PRPF39: variants seen among roughly 807,000 people sequenced by gnomAD.
The protein encoded by PRPF39 is pre-mRNA processing factor 39, also known as pre-mRNA-processing factor 39.
In PRPF39, 27 loss-of-function variants were observed where a neutral mutation model predicts 82.1. The ratio of observed to expected loss-of-function variants is 0.33; its 90% CI spans 0.24 to 0.45. The LOEUF is 0.45. PRPF39 is among the 20% of genes least tolerant of loss of function. The pLI is 1.00. For synonymous variants in PRPF39, 261 were observed against 256.4 expected (o/e 1.02, Z -0.17); for missense variants, 581 against 796.9 (o/e 0.73, Z 3.26).
chr14:45,091,766 T>C (rs1884034936), intron 1 of PRPF39, among the ~76,000 whole-genome samples: 1 of 152,000 alleles, frequency 6.6e-6, no homozygotes, highest in South Asian at 2.1e-4. Flanking sequence ...TAAAAAAAAA[T>C]TAGATGAGCA....
rs570119681 is a variant in PRPF39, at chr14:45,091,357, G to T, written c.-19-3864G>T. On this transcript the variant is annotated intron_variant, in intron 1 of 13. Coordinates refer to ENST00000355765, the MANE Select transcript of PRPF39 (RefSeq NM_017922.4). ...GAATCTCACTTTGTTCCCCAGGCTG[G>T]TCTGGAACATCTGGCTTCAAGCGAT... Among the ~76,000 whole-genome samples, 4 of 152,224 alleles carry T rather than the reference G, an allele frequency of 2.6e-5. No homozygotes were observed. The East Asian group carries it at 5.8e-4, about 22-fold the overall frequency.
At chr14:45,109,439 T>C (rs1317261001) in intron 7 of PRPF39, among the ~76,000 whole-genome samples, 177 bp from the exon 8 acceptor site, 1 of 149,922 alleles carries the variant, frequency 6.7e-6, no homozygotes, top group Non-Finnish European at 1.5e-5. Context: ...TATTATTTCA[T>C]TTGTTTGTAA....
rs764416103 is a variant in PRPF39, at chr14:45,109,755, C to G, written c.1151C>G (p.Ala384Gly). The G allele has an allele frequency of 6.2e-7, 1 of 1,605,992 alleles. No homozygotes were observed. Among genetic ancestry groups the G allele is most frequent in the East Asian group, 2.2e-5 (1 of 44,752 alleles). The change falls in exon 8 of 14, where the codon GCC becomes GGC. Residue 384 changes from alanine (A) to glycine (G), a missense_variant. Ala to Gly is a moderately conservative substitution (Grantham distance 60, BLOSUM62 0). Transcript: ENST00000355765. ...VLFERCVISC[A>G]LYEEFWIKYA... ...TTTGAAAGATGTGTCATATCATGTG[C>G]CCTCTATGAGGAGTTTTGGATTAAG...
At chr14:45,103,003 AAGTTG>A (rs897009610) in intron 5 of PRPF39, among the ~76,000 whole-genome samples, 5 of 152,146 alleles carry the variant, frequency 3.3e-5, no homozygotes, top group South Asian at 2.1e-4. Context: ...AATAGTACCT[AAGTTG>A]AGTTATTTAT....
chr14:45,104,205 A>G (rs771570997), intron 5 of PRPF39, among the ~76,000 whole-genome samples: 23 of 152,084 alleles, frequency 1.5e-4, no homozygotes, highest in Non-Finnish European at 3.4e-4. Context: ...TTTTTCTTTA[A>G]GTTGTCAGTT....
intron 10 of PRPF39, among the ~76,000 whole-genome samples, chr14:45,111,583 C>A (rs1029022281): frequency 6.7e-6 from 1 of 148,638 alleles, no homozygotes; most frequent in Non-Finnish European, 1.5e-5. Flanking sequence ...TTGCCTGCCT[C>A]GGCCTCCCAA....
chr14:45,103,633 T>C (rs1789745333), intron 5 of PRPF39, among the ~76,000 whole-genome samples: 2 of 152,204 alleles, frequency 1.3e-5, no homozygotes, highest in South Asian at 2.1e-4. Flanking sequence ...AGGAAGCATA[T>C]AGATAGGAAT....
rs908447957 is a variant in PRPF39 at position 45,104,431 on chromosome 14, G to T, written c.737+1735G>T. On this transcript the variant is annotated intron_variant, in intron 5 of 13. Coordinates refer to ENST00000355765, the MANE Select transcript of PRPF39 (RefSeq NM_017922.4). ...TGCTTTGAGAACCACTGAATGTTTT[G>T]TTTTTTTTTTCCATAACACATGCCT... is the stretch of plus-strand genomic sequence containing the variant. Among the ~76,000 whole-genome samples, 238 of 146,340 alleles carry T rather than the reference G, an allele frequency of 1.6e-3. 2 individuals carry two copies. The highest frequency in any genetic ancestry group is 2.4e-3 in the Non-Finnish European group (161 of 66,018).
At chr14:45,108,373 TAC>T (rs755099022) in intron 6 of PRPF39, 40 bp from the exon 7 acceptor site, 53 of 1,535,734 alleles carry the variant, frequency 3.5e-5, no homozygotes, top group Admixed American at 9.3e-5. Flanking sequence ...ATTTTCAGTA[TAC>T]AGTTTGTGAG....
At chr14:45,086,752 T>G (rs1452421585) in intron 1 of PRPF39, among the ~76,000 whole-genome samples, 2 of 152,184 alleles carry the variant, frequency 1.3e-5, no homozygotes, top group East Asian at 3.9e-4. Flanking sequence ...CTCACCCAAT[T>G]TAATTTTTTT....
rs905296433 is a variant in PRPF39 at position 45,112,618 on chromosome 14, G to A, written c.1757+116G>A. 3 of 1,087,618 alleles carry A rather than the reference G, an allele frequency of 2.8e-6. No individual in the cohort carries two copies. In the African/African-American group the frequency reaches 4.9e-5, roughly 18 times the overall value. 67.4% of individuals were successfully genotyped at this position (1,087,618 alleles called of 1,614,324 possible). A position where few individuals can be genotyped will look rare whatever the true frequency, so the allele number is the denominator to read the frequency against. ...TGTTAAATTTTAAAATGTTCGCTTA[G>A]TTTACTTTTTCCTCAGATATATATG... On this transcript the variant is annotated intron_variant, in intron 11 of 13. Coordinates refer to ENST00000355765, the MANE Select transcript of PRPF39 (RefSeq NM_017922.4).
At chr14:45,091,352 G>A (rs533669382) in intron 1 of PRPF39, among the ~76,000 whole-genome samples, 1 of 152,232 alleles carries the variant, frequency 6.6e-6, no homozygotes, top group African/African-American at 2.4e-5. Context: ...TTGTTCCCCA[G>A]GCTGGTCTGG....
chr14:45,113,444 T>C (rs542407869), intron 11 of PRPF39, among the ~76,000 whole-genome samples: 8 of 152,334 alleles, frequency 5.3e-5, no homozygotes, highest in Admixed American at 2.0e-4. Flanking sequence ...TCTGAGGTCA[T>C]GTAGCTATTA....
At chr14:45,102,407 A>G in intron 4 of PRPF39, 122 bp from the exon 5 acceptor site, 1 of 763,128 alleles carries the variant, frequency 1.3e-6, no homozygotes, top group Non-Finnish European at 2.0e-6. Context: ...TTTAATCCCT[A>G]CTTGCATAGG....
chr14:45,112,676 C>T (rs1030121027), intron 11 of PRPF39, among the ~76,000 whole-genome samples, 174 bp downstream of exon 11: 4 of 152,128 alleles, frequency 2.6e-5, no homozygotes, highest in Non-Finnish European at 2.9e-5. Flanking sequence ...TGTATATGTA[C>T]TTAACAGGAA....
At chr14:45,093,227 AT>A (rs113333114) in intron 1 of PRPF39, among the ~76,000 whole-genome samples, 122 of 146,024 alleles carry the variant, frequency 8.4e-4, no homozygotes, top group African/African-American at 8.3e-4. Context: ...TATATGATTT[AT>A]TTTTTTTTTT....
At chr14:45,113,343 T>C (rs1191052585) in intron 11 of PRPF39, among the ~76,000 whole-genome samples, 2 of 152,240 alleles carry the variant, frequency 1.3e-5, no homozygotes, top group Non-Finnish European at 2.9e-5. Flanking sequence ...TTATATTAGC[T>C]ATCTTGCAGA....
intron 4 of PRPF39, among the ~76,000 whole-genome samples, chr14:45,100,394 A>G (rs1241186000): frequency 2.0e-5 from 3 of 152,142 alleles, no homozygotes; most frequent in African/African-American, 7.2e-5. Flanking sequence ...GTAACCTTAT[A>G]TCTTATTCCT....
chr14:45,091,802 A>G (rs1268955715), intron 1 of PRPF39, among the ~76,000 whole-genome samples: 2 of 152,262 alleles, frequency 1.3e-5, no homozygotes, highest in African/African-American at 4.8e-5. Flanking sequence ...TGCCGGGGAT[A>G]TAAAGCAATG....
Sources: gnomAD v4.1 joint callset for allele counts (sites outside exome capture counted in the v4.1 genomes callset) on GRCh38, gnomAD v4.1.1 for gene constraint, MANE v1.5 for transcripts, NCBI Gene and HGNC (gene_info 2026-07-23, HGNC 2026-07-21) for gene names.